Variants in ANKHD1 observed in about 807,000 individuals in gnomAD.
The protein encoded by ANKHD1 is ankyrin repeat and KH domain-containing protein 1.
A neutral mutation model predicts 230.5 loss-of-function variants in ANKHD1; 31 were observed. That is an observed-to-expected ratio of 0.13 (90% CI 0.10 to 0.18). ANKHD1 has a LOEUF of 0.18. Ranked by LOEUF, ANKHD1 falls within the 10% of genes least tolerant of loss-of-function variation. The probability of loss-of-function intolerance (pLI) is 1.00; values close to 1 mark genes in which losing one functional copy is unlikely to be tolerated. For missense variants in ANKHD1, 2,256 were observed against 3,071.3 expected, an observed-to-expected ratio of 0.73 and a Z score of 6.27; for synonymous variants, 1,074 against 1,117.6, an observed-to-expected ratio of 0.96 and a Z score of 0.78.
intron 22 of ANKHD1, among the ~76,000 whole-genome samples, chr5:140,510,740 T>C (rs545561200): frequency 5.9e-5 from 9 of 152,296 alleles, no homozygotes; most frequent in East Asian, 5.8e-4. Flanking sequence ...AACTATTATA[T>C]GCAGATGGAT....
chr5:140,427,255 T>C (rs1307672606), intron 1 of ANKHD1, among the ~76,000 whole-genome samples: 101 of 115,008 alleles, frequency 8.8e-4, no homozygotes, highest in South Asian at 2.6e-3. Context: ...CCAGACGGGG[T>C]GGCTGGCCGG....
chr5:140,463,511 C>T (rs1365293786), intron 9 of ANKHD1, among the ~76,000 whole-genome samples: 1 of 152,092 alleles, frequency 6.6e-6, no homozygotes, highest in African/African-American at 2.4e-5. Context: ...AGTCTACTAC[C>T]ATTGTCTCTA....
intron 10 of ANKHD1, among the ~76,000 whole-genome samples, chr5:140,473,132 G>A (rs562620905): frequency 2.0e-5 from 3 of 151,074 alleles, no homozygotes; most frequent in East Asian, 2.0e-4. Context: ...GGGTTCAAGC[G>A]ATTATCCTGC....
Position 140,522,365 on chromosome 5 carries a change from T to C in ANKHD1, c.4318-1701T>C, listed in dbSNP as rs181988813. Among the ~76,000 whole-genome samples, 4 of 152,360 alleles carry C rather than the reference T, an allele frequency of 2.6e-5. No individual in the cohort carries two copies. The East Asian group carries it at 7.7e-4, about 29-fold the overall frequency. Reference sequence around the variant, plus strand: ...ACAGACCACATTTTGTTTATCTGTTTATCAGTTAATGGTCATTGGGTTGCT... The same window carrying C: ...ACAGACCACATTTTGTTTATCTGTTCATCAGTTAATGGTCATTGGGTTGCT... On this transcript the variant is annotated intron_variant, in intron 24 of 33. Transcript: ENST00000360839.
At chr5:140,442,701 G>A (rs976268670) in intron 5 of ANKHD1, among the ~76,000 whole-genome samples, 15 of 152,076 alleles carry the variant, frequency 9.9e-5, no homozygotes, top group Admixed American at 8.5e-4. Context: ...AATAATATAT[G>A]CTCATTGTAA....
chr5:140,482,669 TAAAG>T lies in ANKHD1; in HGVS notation c.1870+7_1870+10del, dbSNP rs1269201359. The T allele has an allele frequency of 2.5e-6, 4 of 1,610,584 alleles. No homozygotes were observed. In the African/African-American group the frequency reaches 5.4e-5, roughly 22 times the overall value. ...CTGTGCAGTTTCTTATTAGCAAAGG[TAAAG>T]AAAGGGCAAGTGATCATTTCCAAGA... is the stretch of plus-strand genomic sequence containing the variant. On this transcript the variant is annotated splice_donor_5th_base_variant and intron_variant, in intron 11 of 33. Transcript: ENST00000360839.
intron 13 of ANKHD1, 163 bp from the exon 14 acceptor site, chr5:140,486,795 A>G: frequency 1.7e-6 from 1 of 574,380 alleles, no homozygotes; most frequent in Non-Finnish European, 2.8e-6. Flanking sequence ...CATTAGTCTC[A>G]AAAATTATTG....
chr5:140,491,125 T>C (rs919215403), intron 14 of ANKHD1, among the ~76,000 whole-genome samples: 5 of 79,896 alleles, frequency 6.3e-5, no homozygotes, highest in Non-Finnish European at 1.4e-4. Context: ...CACACATATA[T>C]ATATATATAT....
intron 24 of ANKHD1, among the ~76,000 whole-genome samples, chr5:140,520,031 T>A (rs1018418611): frequency 4.8e-4 from 73 of 150,892 alleles, no homozygotes; most frequent in Middle Eastern, 3.4e-3. Flanking sequence ...CCTACTCATC[T>A]GACAAAGGGC....
chr5:140,425,601 T>G (rs1772344769), intron 1 of ANKHD1, among the ~76,000 whole-genome samples: 2 of 146,954 alleles, frequency 1.4e-5, no homozygotes, highest in African/African-American at 5.0e-5. Flanking sequence ...AGTCTGAGAC[T>G]GGGGGGGAAT....
chr5:140,530,279 T>A (rs1414485981), intron 29 of ANKHD1, among the ~76,000 whole-genome samples: 1 of 152,138 alleles, frequency 6.6e-6, no homozygotes, highest in Non-Finnish European at 1.5e-5. Flanking sequence ...TGGCCCAGTC[T>A]CAGCTCACTG....
chr5:140,525,116 CA>C (rs945533133), intron 25 of ANKHD1, among the ~76,000 whole-genome samples: 11 of 127,458 alleles, frequency 8.6e-5, no homozygotes, highest in South Asian at 2.5e-4. Context: ...AACTCTGTCT[CA>C]AAAAAAAAAT....
In ANKHD1 at chr5:140,528,423, A is replaced by G. The variant is rs759136430; in HGVS notation, c.5477A>G (p.Gln1826Arg). ...CAGGCAACAACGTTATCTACGTTCC[A>G]GCCCGCTAATAAACTTAATAAGAAT... ...TSQATTLSTF[Q>R]PANKLNKNVP... The change falls in exon 29 of 34, where the codon CAG becomes CGG. Residue 1826 changes from glutamine to arginine, a missense_variant. Physicochemically the swap from Gln to Arg is conservative, Grantham distance 43. Around this residue, in one of 13 missense-constraint regions of ANKHD1, gnomAD observed 778 missense variants for 966.5 expected, o/e 0.80. Coordinates refer to ENST00000360839, the MANE Select transcript of ANKHD1 (RefSeq NM_017747.3). 6 of 1,614,094 alleles carry G rather than the reference A, an allele frequency of 3.7e-6. No individual in the cohort carries two copies. Among genetic ancestry groups the G allele is most frequent in the Non-Finnish European group, 4.2e-6 (5 of 1,180,048 alleles).
intron 1 of ANKHD1, among the ~76,000 whole-genome samples, chr5:140,426,504 A>T (rs1048445374): frequency 6.6e-5 from 10 of 151,042 alleles, no homozygotes; most frequent in African/African-American, 9.7e-5. Flanking sequence ...GAACTTTTTT[A>T]TTTATTTATT....
chr5:140,427,722 C>G (rs1434775491), intron 1 of ANKHD1, among the ~76,000 whole-genome samples: 1 of 143,132 alleles, frequency 7.0e-6, no homozygotes, highest in African/African-American at 2.6e-5. Context: ...TAGGGGCGGC[C>G]GGGCAGAGGC....
intron 10 of ANKHD1, among the ~76,000 whole-genome samples, chr5:140,481,567 A>G (rs1751276367): frequency 6.6e-6 from 1 of 151,930 alleles, no homozygotes; most frequent in Non-Finnish European, 1.5e-5. Context: ...CTCATTTCTT[A>G]TTGTTGTTTT....
At chr5:140,446,103 A>G in intron 6 of ANKHD1, 128 bp downstream of exon 6, 1 of 932,894 alleles carries the variant, frequency 1.1e-6, no homozygotes, top group Non-Finnish European at 1.4e-6. Flanking sequence ...CTAGTTTATA[A>G]GAAATTATAT....
At chr5:140,537,331 CCACCAGGTGACT>C (rs760603938) in intron 30 of ANKHD1, 46 bp from the exon 31 acceptor site, 1 of 1,555,342 alleles carries the variant, frequency 6.4e-7, no homozygotes, top group East Asian at 2.3e-5. Flanking sequence ...AAATATTTTG[CCACCAGGTGACT>C]CTCCTATTCC....
intron 1 of ANKHD1, among the ~76,000 whole-genome samples, chr5:140,414,837 CAAAA>C (rs35534779): frequency 5.8e-5 from 8 of 138,832 alleles, no homozygotes; most frequent in African/African-American, 2.2e-4. Flanking sequence ...GACCCTGTCT[CAAAA>C]AAAAAAAAAA....
Sources: allele counts gnomAD v4.1 joint callset (sites outside exome capture counted in the v4.1 genomes callset), GRCh38; gene constraint gnomAD v4.1.1; regional missense constraint gnomAD v4.1.1; transcripts MANE v1.5; gene names NCBI Gene and HGNC (gene_info 2026-07-23, HGNC 2026-07-21).